DNAJB14: variants seen among roughly 807,000 people sequenced by gnomAD.
The protein encoded by DNAJB14 is dnaJ homolog subfamily B member 14.
DNAJB14 carries 22 observed loss-of-function variants against 48.4 expected under a neutral mutation model. The ratio of observed to expected loss-of-function variants is 0.45; its 90% CI spans 0.32 to 0.65. The LOEUF (loss-of-function observed/expected upper bound fraction) is 0.65. DNAJB14 is among the 30% of genes least tolerant of loss of function. The pLI, the probability that DNAJB14 is intolerant of heterozygous loss-of-function variation, is 0.03. For missense variants in DNAJB14, 319 were observed against 458.8 expected (o/e 0.70, Z 2.78); for synonymous variants, 142 against 158.7 (o/e 0.89, Z 0.79).
chr4:99,923,737 T>A, intron 2 of DNAJB14: 2 of 966,126 alleles, frequency 2.1e-6, no homozygotes, highest in South Asian at 9.6e-5. Context: ...GGTCTTGTTA[T>A]GTTGGGGCTG....
chr4:99,946,160 G>A (rs1727059663), intron 1 of DNAJB14, among the ~76,000 whole-genome samples: 1 of 152,242 alleles, frequency 6.6e-6, no homozygotes, highest in Non-Finnish European at 1.5e-5. Flanking sequence ...CTCCTCCAGG[G>A]AGAATGAAAC....
At position 99,908,795 on chromosome 4, in the gene DNAJB14, T is replaced by C; in HGVS notation, c.553A>G (p.Arg185Gly). The C allele has an allele frequency of 6.2e-7, 1 of 1,612,588 alleles. No individual in the cohort carries two copies. ...TCACAACCTCTATGGAAATTAAATC[T>C]GCCATTGTTTTGGTGGTTACATGCT... ...EQACNHQNNG[R>G]FNFHRGCEAD... Residue 185 changes from arginine (R) to glycine (G), a missense_variant, in exon 4 of 8, where the codon AGA becomes GGA. Coordinates refer to ENST00000442697, the MANE Select transcript of DNAJB14 (RefSeq NM_001031723.4).
At chr4:99,939,173 C>G (rs1726799372) in intron 1 of DNAJB14, among the ~76,000 whole-genome samples, 1 of 152,122 alleles carries the variant, frequency 6.6e-6, no homozygotes, top group Admixed American at 6.5e-5. Context: ...ACCAGCCTGG[C>G]CAACATGGGG....
At chr4:99,905,402 T>A (rs959794583) in intron 6 of DNAJB14, among the ~76,000 whole-genome samples, 195 bp downstream of exon 6, 11 of 152,068 alleles carry the variant, frequency 7.2e-5, no homozygotes, top group African/African-American at 2.7e-4. Flanking sequence ...AGAATAGAAA[T>A]GTAAATTAAC....
At chr4:99,910,373 T>C (rs1725616443) in intron 3 of DNAJB14, 1 of 152,000 alleles carries the variant, frequency 6.6e-6, no homozygotes. Context: ...TATTAACTCA[T>C]ACCTAAAAAA....
intron 1 of DNAJB14, among the ~76,000 whole-genome samples, chr4:99,934,525 G>A (rs979012671): frequency 5.9e-5 from 9 of 151,900 alleles, no homozygotes; most frequent in East Asian, 3.9e-4. Flanking sequence ...CAGATGCAGT[G>A]GATCACATCT....
intron 1 of DNAJB14, among the ~76,000 whole-genome samples, chr4:99,944,128 T>A (rs149280451): frequency 2.0e-4 from 30 of 151,662 alleles, no homozygotes; most frequent in Admixed American, 3.3e-4. Flanking sequence ...AACTAGCCAA[T>A]AAGCATATGA....
In DNAJB14 at chr4:99,898,563, T is replaced by C. The variant is rs1560726472; in HGVS notation, c.*2465A>G. 1 of 151,892 alleles carries C rather than the reference T, an allele frequency of 6.6e-6. No homozygotes were observed. Among genetic ancestry groups the C allele is most frequent in the East Asian group, 1.9e-4 (1 of 5,198 alleles). 9.4% of individuals were successfully genotyped at this position (151,892 alleles called of 1,614,324 possible). A position where few individuals can be genotyped will look rare whatever the true frequency, so the allele number is the denominator to read the frequency against. On this transcript the variant is annotated 3_prime_UTR_variant, in exon 8 of 8. Transcript: ENST00000442697. ...CAAACCCTCACAAGGACAATAATGT[T>C]TGTGTGTATATGCATGGGTGTATTT... is the stretch of plus-strand genomic sequence containing the variant.
chr4:99,905,545 G>A, intron 6 of DNAJB14, 52 bp downstream of exon 6: 1 of 1,407,814 alleles, frequency 7.1e-7, no homozygotes, highest in Non-Finnish European at 1.0e-6. Flanking sequence ...AAGGAAGCTA[G>A]GTCAGAAATA....
chr4:99,916,493 G>A (rs533767091), intron 3 of DNAJB14, among the ~76,000 whole-genome samples: 548 of 152,264 alleles, frequency 3.6e-3, no homozygotes, highest in Middle Eastern at 6.8e-3. Flanking sequence ...GGCATAGACA[G>A]GTCACTTACA....
chr4:99,902,884 G>T (rs946373476), intron 7 of DNAJB14, among the ~76,000 whole-genome samples: 19 of 152,098 alleles, frequency 1.2e-4, no homozygotes, highest in Non-Finnish European at 2.2e-4. Context: ...AAGATTAAAT[G>T]AGTTAATACT....
intron 4 of DNAJB14, among the ~76,000 whole-genome samples, chr4:99,906,850 G>A (rs1725485342): frequency 6.6e-6 from 1 of 152,074 alleles, no homozygotes; most frequent in Non-Finnish European, 1.5e-5. Flanking sequence ...ACTTGACTAA[G>A]AGTTTCTCTA....
chr4:99,922,878 G>C, intron 3 of DNAJB14, 162 bp downstream of exon 3: 1 of 708,858 alleles, frequency 1.4e-6, no homozygotes, highest in South Asian at 2.9e-5. Context: ...GTTTGCCTTC[G>C]GGTATAACCA....
At chr4:99,920,516 A>C (rs956497001) in intron 3 of DNAJB14, among the ~76,000 whole-genome samples, 3 of 152,232 alleles carry the variant, frequency 2.0e-5, no homozygotes, top group African/African-American at 7.2e-5. Context: ...GAATCTTTGA[A>C]GATAATGTAG....
At chr4:99,927,123 A>C (rs1454730935) in intron 2 of DNAJB14, 1 of 152,190 alleles carries the variant, frequency 6.6e-6, no homozygotes, top group East Asian at 1.9e-4. Context: ...AGAAATTAAA[A>C]AGGAGTAACC....
chr4:99,944,731 C>T (rs995414127), intron 1 of DNAJB14, among the ~76,000 whole-genome samples: 2 of 151,998 alleles, frequency 1.3e-5, no homozygotes, highest in African/African-American at 2.4e-5. Flanking sequence ...TGCACCACCA[C>T]GCCTGGCTAA....
Position 99,923,595 on chromosome 4 carries a change from T to C in DNAJB14, c.306-410A>G, listed in dbSNP as rs556137529. 6 of 916,122 alleles carry C rather than the reference T, an allele frequency of 6.5e-6. 1 individual carries two copies. The Middle Eastern group carries it at 3.4e-3, about 519-fold the overall frequency. The allele number at this position is 916,122 out of a possible 1,614,324, so 56.7% of individuals were successfully genotyped here. A position where few individuals can be genotyped will look rare whatever the true frequency, so the allele number is the denominator to read the frequency against. ...GTCACAGCTAAGAATGAACATGCAT[T>C]ACATTCCAAAAATTTTGTTCTTGCA... On this transcript the variant is annotated intron_variant, in intron 2 of 7. Coordinates refer to ENST00000442697, the MANE Select transcript of DNAJB14 (RefSeq NM_001031723.4).
intron 1 of DNAJB14, among the ~76,000 whole-genome samples, chr4:99,939,315 T>A (rs567541083): frequency 1.3e-5 from 2 of 152,296 alleles, no homozygotes; most frequent in South Asian, 4.1e-4. Context: ...TGAGCCAGGA[T>A]TGTACCATTG....
At chr4:99,915,088 A>AT (rs1177420096) in intron 3 of DNAJB14, among the ~76,000 whole-genome samples, 10 of 152,210 alleles carry the variant, frequency 6.6e-5, no homozygotes, top group African/African-American at 2.4e-4. Context: ...AGAAGCATAG[A>AT]TAACTGATTT....
Sources: gnomAD v4.1 joint callset for allele counts (sites outside exome capture counted in the v4.1 genomes callset) on GRCh38, gnomAD v4.1.1 for gene constraint, MANE v1.5 for transcripts, NCBI Gene and HGNC (gene_info 2026-07-23, HGNC 2026-07-21) for gene names.